GALNT3: variants seen among roughly 807,000 people sequenced by gnomAD.
GALNT3 encodes polypeptide N-acetylgalactosaminyltransferase 3, also known as GalNAc transferase 3.
Under a neutral mutation model 69.8 loss-of-function variants are expected in GALNT3, and 51 were observed. The observed-to-expected ratio is 0.73, with a 90% confidence interval of 0.58 to 0.92. GALNT3 has a LOEUF of 0.92. Ranked by LOEUF, GALNT3 falls within the 40% of genes least tolerant of loss-of-function variation. The pLI, the probability that GALNT3 is intolerant of heterozygous loss-of-function variation, is 0.00. For synonymous variants in GALNT3, 265 were observed against 248.5 expected (o/e 1.07, Z -0.63); for missense variants, 711 against 760.0 (o/e 0.94, Z 0.76).
chr2:165,761,202 C>A (rs1336954037), intron 4 of GALNT3, among the ~76,000 whole-genome samples: 1 of 151,964 alleles, frequency 6.6e-6, no homozygotes, highest in East Asian at 1.9e-4. Flanking sequence ...ATTATATTCA[C>A]TCACTCATTC....
intron 6 of GALNT3, among the ~76,000 whole-genome samples, chr2:165,757,824 T>C (rs917275069): frequency 3.9e-5 from 6 of 152,204 alleles, no homozygotes; most frequent in Admixed American, 1.3e-4. Flanking sequence ...AAAATCCTTA[T>C]TGGCATTAAT....
chr2:165,757,431 T>C (rs1374230510), intron 6 of GALNT3, among the ~76,000 whole-genome samples, 184 bp from the exon 7 acceptor site: 2 of 152,238 alleles, frequency 1.3e-5, no homozygotes, highest in African/African-American at 4.8e-5. Context: ...TTTTATTAAA[T>C]GGCATAGACA....
At chr2:165,761,604 G>C in intron 4 of GALNT3, 1 of 589,758 alleles carries the variant, frequency 1.7e-6, no homozygotes, top group South Asian at 2.0e-5. Flanking sequence ...TTTTTTAACA[G>C]AAAAGAAACA....
intron 1 of GALNT3, chr2:165,771,145 A>C (rs1688746032): frequency 6.6e-6 from 1 of 152,582 alleles, no homozygotes; most frequent in Non-Finnish European, 1.5e-5. Flanking sequence ...ATAACCAAGG[A>C]ATCAAAGGAC....
intron 2 of GALNT3, among the ~76,000 whole-genome samples, chr2:165,769,818 G>A (rs1688717199): frequency 6.6e-6 from 1 of 152,108 alleles, no homozygotes; most frequent in Non-Finnish European, 1.5e-5. Context: ...GAAATACAGA[G>A]AAATGGAAAC....
At position 165,751,056 on chromosome 2, in the gene GALNT3, G is replaced by A. The variant is rs139089977; in HGVS notation, c.1627-1162C>T. On this transcript the variant is annotated intron_variant, in intron 9 of 10. Coordinates refer to ENST00000392701, the MANE Select transcript of GALNT3 (RefSeq NM_004482.4). Reference sequence around the variant, plus strand: ...TAGCACTCTATTAGAATTGTGTGTGGTGTGTAGACCTGGCTTCCCCATAGA... The same window carrying A: ...TAGCACTCTATTAGAATTGTGTGTGATGTGTAGACCTGGCTTCCCCATAGA... Among the ~76,000 whole-genome samples, 444 of 152,198 alleles carry A rather than the reference G, an allele frequency of 2.9e-3. 4 individuals carry two copies. Among genetic ancestry groups the A allele is most frequent in the African/African-American group, 0.01 (426 of 41,526 alleles).
chr2:165,780,646 TTTGTTGTTGTTGTTG>T (rs534952025), intron 1 of GALNT3, among the ~76,000 whole-genome samples: 1 of 101,712 alleles, frequency 9.8e-6, no homozygotes, highest in Non-Finnish European at 2.1e-5. Flanking sequence ...GAGGGGTTTT[TTTGTTGTTGTTGTTG>T]TTGTTGTTGT....
rs140500667 is a variant in GALNT3 at position 165,765,590 on chromosome 2, C to T, written c.516-534G>A. On this transcript the variant is annotated intron_variant, in intron 2 of 10. Coordinates refer to ENST00000392701, the MANE Select transcript of GALNT3 (RefSeq NM_004482.4). ...CTGCAAGCTTCACCTCCCAGGTTCACGCATTTCTCCTGCCTCAGCTCCCGA... is the reference window on the plus strand; with the variant it reads ...CTGCAAGCTTCACCTCCCAGGTTCATGCATTTCTCCTGCCTCAGCTCCCGA... Among the ~76,000 whole-genome samples the T allele has an allele frequency of 1.3e-3, 194 of 151,902 alleles. No homozygotes were observed. The East Asian group carries it at 0.021, about 17-fold the overall frequency.
intron 9 of GALNT3, among the ~76,000 whole-genome samples, chr2:165,751,122 A>G (rs1688351264): frequency 6.6e-6 from 1 of 152,182 alleles, no homozygotes; most frequent in South Asian, 2.1e-4. Flanking sequence ...ACCCATCACA[A>G]ATCCAATATT....
At chr2:165,752,263 C>T (rs1688368714) in intron 9 of GALNT3, among the ~76,000 whole-genome samples, 1 of 152,190 alleles carries the variant, frequency 6.6e-6, no homozygotes, top group African/African-American at 2.4e-5. Context: ...CACTCTCTCA[C>T]AGTATTCAGG....
Position 165,759,513 on chromosome 2 carries a change from G to C in GALNT3, c.896C>G (p.Thr299Arg). Reference protein sequence around the residue: ...PLLARIAENYTAVVSPDIASI... With the variant: ...PLLARIAENYRAVVSPDIASI... ...TGCAATATCTGGACTTACGACAGCC[G>C]TGTAGTTCTCAGCTATTCTGGCCAA... The change falls in exon 5 of 11, where the codon ACG becomes AGG. Residue 299 changes from threonine (T) to arginine (R), a missense_variant. By Grantham distance (71) the Thr-to-Arg change is moderately conservative. Coordinates refer to ENST00000392701, the MANE Select transcript of GALNT3 (RefSeq NM_004482.4). The C allele has an allele frequency of 6.2e-7, 1 of 1,613,970 alleles. No homozygotes were observed. The highest frequency in any genetic ancestry group is 1.1e-5 in the South Asian group (1 of 91,072).
At chr2:165,788,395 C>A (rs1683270149) in intron 1 of GALNT3, among the ~76,000 whole-genome samples, 2 of 150,850 alleles carry the variant, frequency 1.3e-5, no homozygotes, top group Admixed American at 1.3e-4. Flanking sequence ...ACATTTCTAC[C>A]CCAAAATTTT....
intron 1 of GALNT3, among the ~76,000 whole-genome samples, chr2:165,772,131 C>A (rs1039847635): frequency 2.6e-5 from 4 of 152,084 alleles, no homozygotes; most frequent in African/African-American, 9.7e-5. Flanking sequence ...GTTATAGAAC[C>A]ACACTATGAC....
In GALNT3 at chr2:165,748,668, G is replaced by C; in HGVS notation, c.*113C>G. On this transcript the variant is annotated 3_prime_UTR_variant, in exon 11 of 11. Coordinates refer to ENST00000392701, the MANE Select transcript of GALNT3 (RefSeq NM_004482.4). ...AGATATAAATAAGAAAAATGCACTTGGAATAAGTTACATTTAGCTGCTTTT... is the reference window on the plus strand; with the variant it reads ...AGATATAAATAAGAAAAATGCACTTCGAATAAGTTACATTTAGCTGCTTTT... The C allele has an allele frequency of 1.0e-6, 1 of 966,612 alleles. No homozygotes were observed. Among genetic ancestry groups the C allele is most frequent in the Non-Finnish European group, 1.6e-6 (1 of 642,354 alleles). 59.9% of individuals were successfully genotyped at this position (966,612 alleles called of 1,614,324 possible). A position where few individuals can be genotyped will look rare whatever the true frequency, so the allele number is the denominator to read the frequency against.
At chr2:165,785,786 G>A (rs1390822670) in intron 1 of GALNT3, among the ~76,000 whole-genome samples, 1 of 152,106 alleles carries the variant, frequency 6.6e-6, no homozygotes, top group African/African-American at 2.4e-5. Flanking sequence ...GAGAGCAACA[G>A]TCCGAACAGG....
chr2:165,788,093 C>T (rs890418339), intron 1 of GALNT3, among the ~76,000 whole-genome samples: 2 of 152,064 alleles, frequency 1.3e-5, no homozygotes, highest in African/African-American at 4.8e-5. Flanking sequence ...CTTTGGGAGG[C>T]CGAGGCGGGA....
Position 165,770,191 on chromosome 2 carries a change from A to C in GALNT3, c.510T>G (p.Pro170=), listed in dbSNP as rs1451005970. The change falls in exon 2 of 11, where the codon CCT becomes CCG. Residue 170 remains proline (P), a synonymous_variant. Coordinates refer to ENST00000392701, the MANE Select transcript of GALNT3 (RefSeq NM_004482.4). The part of the protein sequence containing the change: ...LHRDLGPDTR[P]PECIEQKFKR... ...ATAAATATTCTTCAACATACTCAGG[A>C]GGTCGAGTGTCTGGTCCAAGATCTC... The C allele has an allele frequency of 1.2e-6, 2 of 1,614,182 alleles. No homozygotes were observed. The highest frequency in any genetic ancestry group is 2.2e-5 in the South Asian group (2 of 91,084).
intron 1 of GALNT3, among the ~76,000 whole-genome samples, chr2:165,783,643 C>T (rs1249965206): frequency 6.6e-6 from 1 of 151,930 alleles, no homozygotes; most frequent in Non-Finnish European, 1.5e-5. Context: ...TGTTGTAGTA[C>T]AAAAAAGACA....
At chr2:165,750,642 A>G (rs766632506) in intron 9 of GALNT3, among the ~76,000 whole-genome samples, 1 of 152,164 alleles carries the variant, frequency 6.6e-6, no homozygotes, top group Non-Finnish European at 1.5e-5. Context: ...CTGCTGCCAG[A>G]TAGTCTTTTA....
Sources: allele counts gnomAD v4.1 joint callset (sites outside exome capture counted in the v4.1 genomes callset), GRCh38; gene constraint gnomAD v4.1.1; transcripts MANE v1.5; gene names NCBI Gene and HGNC (gene_info 2026-07-23, HGNC 2026-07-21).